The following IL1RAPL2 variants were observed in gnomAD, a reference collection of about 807,000 sequenced individuals.
IL1RAPL2 encodes interleukin 1 receptor accessory protein like 2.
Under a neutral mutation model 44.1 loss-of-function variants are expected in IL1RAPL2, and 3 were observed. The observed-to-expected ratio is 0.07, with a 90% confidence interval of 0.03 to 0.18. IL1RAPL2 has a LOEUF of 0.18. Ranked by LOEUF, IL1RAPL2 falls within the 10% of genes least tolerant of loss-of-function variation. IL1RAPL2 has a pLI of 1.00. For synonymous variants in IL1RAPL2, 181 were observed against 178.8 expected, an observed-to-expected ratio of 1.01 and a Z score of -0.10; for missense variants, 391 against 496.4, an observed-to-expected ratio of 0.79 and a Z score of 2.02.
At chrX:105,500,751 A>G (rs748486842) in intron 6 of IL1RAPL2, among the ~76,000 whole-genome samples, 1 of 112,064 alleles carries the variant, frequency 8.9e-6, no homozygotes, top group Non-Finnish European at 1.9e-5. Flanking sequence ...ACTGGTTGCC[A>G]TCTACTTCTT....
chrX:105,232,982 G>A (rs1266672003), intron 3 of IL1RAPL2, among the ~76,000 whole-genome samples: 1 of 112,067 alleles, frequency 8.9e-6, no homozygotes, highest in Non-Finnish European at 1.9e-5. Context: ...ACATCTTAGT[G>A]AGTACCTTAA....
chrX:105,648,126 C>T (rs375896513), intron 6 of IL1RAPL2, among the ~76,000 whole-genome samples: 1 of 111,996 alleles, frequency 8.9e-6, no homozygotes, highest in East Asian at 2.8e-4. Context: ...TTGATACGTT[C>T]ATTCATATTA....
intron 1 of IL1RAPL2, among the ~76,000 whole-genome samples, chrX:104,623,608 G>T (rs1232463160): frequency 9.0e-6 from 1 of 111,116 alleles, no homozygotes; most frequent in African/African-American, 3.3e-5. Context: ...GTTGGAGGTT[G>T]TTATCCCAGC....
chrX:105,216,901 T>C (rs2033863676), intron 3 of IL1RAPL2, among the ~76,000 whole-genome samples: 1 of 112,136 alleles, frequency 8.9e-6, no homozygotes, highest in African/African-American at 3.2e-5. Context: ...GATAGCCATA[T>C]GCAGAAAACT....
chrX:105,251,247 T>C lies in IL1RAPL2; in HGVS notation c.544-16141T>C, dbSNP rs1205444929. 4.6e-5 allele frequency among the ~76,000 whole-genome samples: 5 copies of C among 109,832 alleles called. No homozygotes were observed. In the Admixed American group the frequency reaches 4.9e-4, roughly 11 times the overall value. On this transcript the variant is annotated intron_variant, in intron 4 of 10. Coordinates refer to ENST00000372582, the MANE Select transcript of IL1RAPL2 (RefSeq NM_017416.2). ...TTTCTAAAGGTGGAAAAAATGTCAT[T>C]AGAAACCTCATAATACCGCAGCCTG...
intron 2 of IL1RAPL2, among the ~76,000 whole-genome samples, chrX:104,678,783 A>G (rs978376890): frequency 9.0e-6 from 1 of 110,972 alleles, no homozygotes; most frequent in Non-Finnish European, 1.9e-5. Flanking sequence ...AGGAGAAAAC[A>G]TGGACACAGG....
At chrX:104,887,545 C>T (rs193115926) in intron 2 of IL1RAPL2, among the ~76,000 whole-genome samples, 13 of 111,307 alleles carry the variant, frequency 1.2e-4, no homozygotes, top group African/African-American at 2.9e-4. Context: ...CTACTCATGA[C>T]GTAAATGGCA....
At chrX:105,452,553 G>A (rs1166372796) in intron 5 of IL1RAPL2, among the ~76,000 whole-genome samples, 1 of 111,547 alleles carries the variant, frequency 9.0e-6, no homozygotes, top group Non-Finnish European at 1.9e-5. Flanking sequence ...AAAGATACTT[G>A]TGGGAATGAC....
At chrX:105,237,415 G>T (rs1033998835) in intron 4 of IL1RAPL2, among the ~76,000 whole-genome samples, 24 of 111,899 alleles carry the variant, frequency 2.1e-4, no homozygotes, top group African/African-American at 7.1e-4. Flanking sequence ...CTGAGGAATC[G>T]CCACACTGTC....
chrX:105,220,047 C>T, intron 3 of IL1RAPL2: 1 of 1,211,765 alleles, frequency 8.3e-7, no homozygotes, highest in Non-Finnish European at 1.1e-6. Flanking sequence ...CCGTCTCCTG[C>T]TGCTCCCTGA....
intron 2 of IL1RAPL2, among the ~76,000 whole-genome samples, chrX:105,154,219 A>G (rs1158786069): frequency 9.0e-6 from 1 of 111,250 alleles, no homozygotes; most frequent in Non-Finnish European, 1.9e-5. Context: ...ATAATGAGGT[A>G]TGTCTGACCC....
At position 105,343,729 on chromosome X, in the gene IL1RAPL2, T is replaced by G. The variant is rs186870481; in HGVS notation, c.697+76188T>G. 2.0e-3 allele frequency among the ~76,000 whole-genome samples: 220 copies of G among 112,091 alleles called. 2 individuals carry two copies. The highest frequency in any genetic ancestry group is 3.1e-3 in the Non-Finnish European group (163 of 53,210). On this transcript the variant is annotated intron_variant, in intron 5 of 10. Transcript: ENST00000372582. ...TTAGCGAATTATATTACAGTTTGAT[T>G]TTGTTTTTACAAAAAGTATAGTGTG...
intron 5 of IL1RAPL2, among the ~76,000 whole-genome samples, chrX:105,315,364 A>G (rs1308580703): frequency 6.6e-5 from 7 of 106,329 alleles, no homozygotes; most frequent in African/African-American, 2.4e-4. Context: ...TTGGCACATA[A>G]TATTTATTAC....
At chrX:105,489,762 T>TTCTC (rs2036298502) in intron 6 of IL1RAPL2, among the ~76,000 whole-genome samples, 1 of 95,605 alleles carries the variant, frequency 1.0e-5, no homozygotes, top group African/African-American at 4.1e-5. Flanking sequence ...TTCTTTCTCT[T>TTCTC]TCTTTCTTTC....
At chrX:105,222,467 A>G (rs1037209549) in intron 3 of IL1RAPL2, among the ~76,000 whole-genome samples, 1 of 111,948 alleles carries the variant, frequency 8.9e-6, no homozygotes, top group Non-Finnish European at 1.9e-5. Flanking sequence ...CTCAGCTTGT[A>G]TATTTTATTT....
intron 5 of IL1RAPL2, among the ~76,000 whole-genome samples, chrX:105,277,688 A>G (rs753630648): frequency 9.0e-6 from 1 of 111,134 alleles, no homozygotes; most frequent in Non-Finnish European, 1.9e-5. Flanking sequence ...AGGCATAACT[A>G]ATGGTGGGAA....
At chrX:105,282,788 A>G (rs1228559285) in intron 5 of IL1RAPL2, among the ~76,000 whole-genome samples, 4 of 111,891 alleles carry the variant, frequency 3.6e-5, no homozygotes, top group Non-Finnish European at 7.5e-5. Context: ...TCAGTACCCT[A>G]GTTATTTGCT....
At chrX:105,382,604 G>A (rs752489084) in intron 5 of IL1RAPL2, among the ~76,000 whole-genome samples, 1,414 of 103,955 alleles carry the variant, frequency 0.014, 27 homozygotes, top group African/African-American at 0.051. Flanking sequence ...ATTTGACCCA[G>A]CCATCCCATT....
intron 5 of IL1RAPL2, among the ~76,000 whole-genome samples, chrX:105,379,161 A>G (rs890685084): frequency 6.3e-5 from 7 of 111,847 alleles, no homozygotes; most frequent in African/African-American, 1.9e-4. Flanking sequence ...CTATGAAAGA[A>G]AGCAGAATGT....
Sources: gnomAD v4.1 joint callset for allele counts (sites outside exome capture counted in the v4.1 genomes callset) on GRCh38, gnomAD v4.1.1 for gene constraint, MANE v1.5 for transcripts, NCBI Gene and HGNC (gene_info 2026-07-23, HGNC 2026-07-21) for gene names.